PRTFDC1: variants seen among roughly 807,000 people sequenced by gnomAD.
PRTFDC1 encodes phosphoribosyltransferase domain-containing protein 1.
PRTFDC1 carries 38 observed loss-of-function variants against 34.6 expected under a neutral mutation model. That is an observed-to-expected ratio of 1.10 (90% CI 0.85 to 1.44). The LOEUF (loss-of-function observed/expected upper bound fraction) is 1.44, where lower values mean the gene tolerates loss of function less well. Among genes scored for constraint, PRTFDC1 ranks in the 40% most tolerant of loss-of-function variants. The pLI is 0.00. For synonymous variants in PRTFDC1, 93 were observed against 98.1 expected (o/e 0.95, Z 0.31); for missense variants, 270 against 283.0 (o/e 0.95, Z 0.33).
chr10:24,860,117 C>A (rs571942800), intron 4 of PRTFDC1, among the ~76,000 whole-genome samples: 1 of 152,256 alleles, frequency 6.6e-6, no homozygotes, highest in African/African-American at 2.4e-5. Flanking sequence ...CAGTGGCTCA[C>A]GTCTGTAATC....
At chr10:24,895,490 A>G (rs933299336) in intron 3 of PRTFDC1, among the ~76,000 whole-genome samples, 1 of 150,596 alleles carries the variant, frequency 6.6e-6, no homozygotes, top group African/African-American at 2.4e-5. Flanking sequence ...ACCTCAGGTG[A>G]TCCACCTGCC....
chr10:24,929,457 G>A (rs1588619623), intron 3 of PRTFDC1, among the ~76,000 whole-genome samples: 1 of 152,122 alleles, frequency 6.6e-6, no homozygotes, highest in East Asian at 1.9e-4. Flanking sequence ...AAATCTCTTG[G>A]TGTTGCCAAC....
Position 24,856,930 on chromosome 10 carries a change from GTTGGGC to G in PRTFDC1, c.483_488del (p.Lys161_Pro162del), listed in dbSNP as rs1847587778. ...CAACTCACCTGGCTACCTTAATCATGTTGGGCTTGTATTTCTCTATATTGCTGAGTA... is the reference window on the plus strand; with the variant it reads ...CAACTCACCTGGCTACCTTAATCATGTTGTATTTCTCTATATTGCTGAGTA... On this transcript the variant is annotated inframe_deletion, in exon 6 of 9. Transcript: ENST00000320152. The G allele has an allele frequency of 6.2e-7, 1 of 1,612,652 alleles. No homozygotes were observed.
At chr10:24,894,137 C>T (rs1236820637) in intron 3 of PRTFDC1, among the ~76,000 whole-genome samples, 2 of 152,120 alleles carry the variant, frequency 1.3e-5, no homozygotes, top group Non-Finnish European at 2.9e-5. Context: ...GGAGACCAGC[C>T]TGGCCAACAA....
intron 1 of PRTFDC1, among the ~76,000 whole-genome samples, chr10:24,951,788 C>G: frequency 6.6e-6 from 1 of 152,156 alleles, no homozygotes; most frequent in East Asian, 1.9e-4. Context: ...TGGGTACCCT[C>G]TGGCTGACAC....
intron 3 of PRTFDC1, among the ~76,000 whole-genome samples, chr10:24,897,553 G>A (rs7072126): frequency 0.15 from 22,619 of 152,128 alleles, 2,263 homozygotes; most frequent in African/African-American, 0.29. Flanking sequence ...CAGCCATTGA[G>A]GCCTTCAGGG....
chr10:24,902,197 AT>A (rs376012839), intron 3 of PRTFDC1, among the ~76,000 whole-genome samples: 1,515 of 147,416 alleles, frequency 0.01, 22 homozygotes, highest in African/African-American at 0.034. Flanking sequence ...ATTATCCAGG[AT>A]TTTTTTTTTT....
intron 3 of PRTFDC1, 150 bp from the exon 4 acceptor site, chr10:24,872,213 C>T: frequency 1.5e-6 from 1 of 667,164 alleles, no homozygotes. Flanking sequence ...CCTATGGTTA[C>T]CAAGAGCCAT....
At chr10:24,922,593 C>T (rs896375692) in intron 3 of PRTFDC1, among the ~76,000 whole-genome samples, 10 of 152,116 alleles carry the variant, frequency 6.6e-5, no homozygotes, top group African/African-American at 2.4e-4. Context: ...ATGATTTTGC[C>T]CCTAATTTGC....
chr10:24,916,423 G>C (rs764713403), intron 3 of PRTFDC1, among the ~76,000 whole-genome samples: 1 of 152,104 alleles, frequency 6.6e-6, no homozygotes, highest in African/African-American at 2.4e-5. Flanking sequence ...AGAGAAAAAG[G>C]CTAACTCCAT....
intron 3 of PRTFDC1, among the ~76,000 whole-genome samples, chr10:24,929,413 G>C (rs2132596097): frequency 6.6e-6 from 1 of 152,160 alleles, no homozygotes; most frequent in East Asian, 1.9e-4. Context: ...CGGCCCTACT[G>C]TGGTTACACT....
intron 3 of PRTFDC1, among the ~76,000 whole-genome samples, chr10:24,934,577 T>C (rs752224): frequency 0.35 from 52,819 of 152,084 alleles, 11,261 homozygotes; most frequent in African/African-American, 0.6. Flanking sequence ...CCTCCACAAC[T>C]CCTTATCATA....
At chr10:24,869,027 C>T (rs1458336208) in intron 4 of PRTFDC1, among the ~76,000 whole-genome samples, 5 of 152,150 alleles carry the variant, frequency 3.3e-5, no homozygotes, top group Non-Finnish European at 5.9e-5. Context: ...TCTATTATTG[C>T]TATGTGTTGG....
At chr10:24,932,862 A>G (rs1848991414) in intron 3 of PRTFDC1, among the ~76,000 whole-genome samples, 1 of 152,126 alleles carries the variant, frequency 6.6e-6, no homozygotes, top group Non-Finnish European at 1.5e-5. Context: ...GACACATACT[A>G]CTTAATTTAC....
At chr10:24,936,293 T>A (rs1367718253) in intron 3 of PRTFDC1, among the ~76,000 whole-genome samples, 1 of 152,066 alleles carries the variant, frequency 6.6e-6, no homozygotes, top group Non-Finnish European at 1.5e-5. Flanking sequence ...CAACAGCTTT[T>A]TTTTTTTGGC....
At chr10:24,866,610 C>T (rs1355918326) in intron 4 of PRTFDC1, among the ~76,000 whole-genome samples, 1 of 151,902 alleles carries the variant, frequency 6.6e-6, no homozygotes, top group Non-Finnish European at 1.5e-5. Flanking sequence ...AAAAATCAGC[C>T]AGAGAGTACA....
Position 24,952,241 on chromosome 10 carries a change from A to T in PRTFDC1, c.48+287T>A, listed in dbSNP as rs1026092271. Among the ~76,000 whole-genome samples the T allele has an allele frequency of 3.3e-5, 5 of 151,914 alleles. No individual in the cohort carries two copies. The highest frequency in any genetic ancestry group is 4.8e-5 in the African/African-American group (2 of 41,342). On this transcript the variant is annotated intron_variant, in intron 1 of 8. Transcript: ENST00000320152. This position sits in a 1 kb window ranked among gnomAD's most constrained non-coding sequence, Gnocchi z 5.1. ...AAGCGACTCCCCGTGGCTCGCGGGGATGGGGACGGCTGGGCGCCGGCGGGA... is the reference window on the plus strand; with the variant it reads ...AAGCGACTCCCCGTGGCTCGCGGGGTTGGGGACGGCTGGGCGCCGGCGGGA...
intron 3 of PRTFDC1, among the ~76,000 whole-genome samples, chr10:24,925,564 T>A (rs1172146530): frequency 2.0e-5 from 3 of 152,210 alleles, no homozygotes; most frequent in Non-Finnish European, 4.4e-5. Context: ...ACAAGCATAT[T>A]TTTTGTATAT....
Position 24,871,846 on chromosome 10 carries a change from A to G in PRTFDC1, c.405+152T>C, listed in dbSNP as rs1271618449. On this transcript the variant is annotated intron_variant, in intron 4 of 8. Transcript: ENST00000320152. ...GCATTCTAAAAAGAATGTTTTAGAA[A>G]GGGGAGATCATTAAAAGGATTCACG... 10 of 609,722 alleles carry G rather than the reference A, an allele frequency of 1.6e-5. No individual in the cohort carries two copies. In the South Asian group the frequency reaches 1.8e-4, roughly 11 times the overall value. 37.8% of individuals were successfully genotyped at this position (609,722 alleles called of 1,614,324 possible). A position where few individuals can be genotyped will look rare whatever the true frequency, so the allele number is the denominator to read the frequency against.
Sources: allele counts gnomAD v4.1 joint callset (sites outside exome capture counted in the v4.1 genomes callset), GRCh38; gene constraint gnomAD v4.1.1; non-coding constraint Gnocchi (gnomAD v3.1); transcripts MANE v1.5; gene names NCBI Gene and HGNC (gene_info 2026-07-23, HGNC 2026-07-21).